BLTP3B: variants seen among roughly 807,000 people sequenced by gnomAD.
BLTP3B encodes the protein bridge-like lipid transfer protein family member 3B.
chr12:100,103,259 A>G, the BLTP3B span, among the ~76,000 whole-genome samples: 3 of 152,154 alleles, frequency 2.0e-5, no homozygotes, highest in African/African-American at 7.2e-5. Flanking sequence ...CTGAGCTATG[A>G]GACACAAAAC....
At chr12:100,043,984 T>C in the BLTP3B span, among the ~76,000 whole-genome samples, 5 of 152,182 alleles carry the variant, frequency 3.3e-5, no homozygotes, top group Admixed American at 2.0e-4. Context: ...ATTTATCTGA[T>C]TGACTTTTTT....
At chr12:100,097,377 T>C in the BLTP3B span, 1 of 1,611,532 alleles carries the variant, frequency 6.2e-7, no homozygotes, top group African/African-American at 1.3e-5. Context: ...TTCTTTTAAG[T>C]GTGACTCTGA....
the BLTP3B span, among the ~76,000 whole-genome samples, chr12:100,064,579 T>A: frequency 6.6e-6 from 1 of 152,290 alleles, no homozygotes; most frequent in South Asian, 2.1e-4. Context: ...ATCAGATTAA[T>A]AGCAGGTTTC....
the BLTP3B span, chr12:100,102,896 A>T: frequency 7.5e-5 from 89 of 1,188,562 alleles, no homozygotes; most frequent in Admixed American, 5.8e-4. Flanking sequence ...TAGATTATTT[A>T]TTCTACGTAT....
the BLTP3B span, among the ~76,000 whole-genome samples, chr12:100,138,888 A>C: frequency 8.7e-4 from 131 of 150,500 alleles, no homozygotes; most frequent in Non-Finnish European, 6.1e-4. Context: ...CACACACACT[A>C]ATGTCTTGAG....
chr12:100,055,102 A>G, the BLTP3B span, among the ~76,000 whole-genome samples: 1 of 152,128 alleles, frequency 6.6e-6, no homozygotes, highest in Non-Finnish European at 1.5e-5. Context: ...GGAATCTAGT[A>G]GAGAGATTTT....
At chr12:100,057,864 G>T in the BLTP3B span, 10 of 1,280,990 alleles carry the variant, frequency 7.8e-6, no homozygotes, top group African/African-American at 1.6e-5. Context: ...ATATTTAAAC[G>T]TATAAGCTCA....
chr12:100,138,602 C>T, the BLTP3B span, among the ~76,000 whole-genome samples: 2 of 152,216 alleles, frequency 1.3e-5, no homozygotes, highest in Non-Finnish European at 2.9e-5. Context: ...TCAAGACAAA[C>T]TGACCCTGGT....
the BLTP3B span, among the ~76,000 whole-genome samples, chr12:100,125,343 A>C: frequency 2.0e-5 from 3 of 151,222 alleles, no homozygotes. Flanking sequence ...CTCAAAAAAA[A>C]AAAAAAAAAA....
At chr12:100,102,618 G>T in the BLTP3B span, 1 of 573,844 alleles carries the variant, frequency 1.7e-6, no homozygotes, top group Non-Finnish European at 3.0e-6. Flanking sequence ...AGTCAAATCT[G>T]CAACTTTGCA....
chr12:100,048,055 G>T, the BLTP3B span: 5 of 1,612,900 alleles, frequency 3.1e-6, no homozygotes, highest in Non-Finnish European at 4.2e-6. Context: ...AAGAAACTCA[G>T]TGCTGAAGTT....
At chr12:100,135,025 C>G in the BLTP3B span, among the ~76,000 whole-genome samples, 1 of 152,174 alleles carries the variant, frequency 6.6e-6, no homozygotes, top group African/African-American at 2.4e-5. Context: ...CCAGAGTGAT[C>G]CTTGGCTCAA....
the BLTP3B span, among the ~76,000 whole-genome samples, chr12:100,074,397 G>A: frequency 6.6e-6 from 1 of 152,082 alleles, no homozygotes; most frequent in African/African-American, 2.4e-5. Context: ...CCAGGAGCTC[G>A]AGACCAGCGT....
chr12:100,114,383 G>A, the BLTP3B span, among the ~76,000 whole-genome samples: 5 of 152,222 alleles, frequency 3.3e-5, no homozygotes, highest in East Asian at 7.7e-4. Flanking sequence ...TAGCCACAAC[G>A]TTTAGAACTG....
the BLTP3B span, among the ~76,000 whole-genome samples, chr12:100,141,119 A>G: frequency 5.9e-5 from 9 of 152,138 alleles, no homozygotes; most frequent in East Asian, 1.4e-3. Flanking sequence ...ACCTTCCAAA[A>G]TAAGATAGTT....
the BLTP3B span, among the ~76,000 whole-genome samples, chr12:100,072,013 C>G: frequency 6.6e-6 from 1 of 152,186 alleles, no homozygotes; most frequent in Non-Finnish European, 1.5e-5. Flanking sequence ...ATAATCCCAG[C>G]ACTATGGGAG....
At chr12:100,053,826 G>T in the BLTP3B span, among the ~76,000 whole-genome samples, 2 of 152,050 alleles carry the variant, frequency 1.3e-5, no homozygotes, top group African/African-American at 2.4e-5. Flanking sequence ...AAAAATTGAA[G>T]ATATCACATT....
chr12:100,059,102 G>A, the BLTP3B span: 5 of 1,614,072 alleles, frequency 3.1e-6, no homozygotes, highest in Non-Finnish European at 4.2e-6. Context: ...AAATCCAAAT[G>A]GAAAGAGGGA....
At chr12:100,046,468 CCGCAAGG>C in the BLTP3B span, among the ~76,000 whole-genome samples, 1 of 151,958 alleles carries the variant, frequency 6.6e-6, no homozygotes, top group East Asian at 1.9e-4. Context: ...GAGCAAACTA[CCGCAAGG>C]ACAGAAAACT....
Sources: gnomAD v4.1 joint callset for allele counts (sites outside exome capture counted in the v4.1 genomes callset) on GRCh38, gnomAD v4.1.1 for gene constraint, MANE v1.5 for transcripts, NCBI Gene and HGNC (gene_info 2026-07-23, HGNC 2026-07-21) for gene names.